RIN3: variants seen among roughly 807,000 people sequenced by gnomAD.
The protein encoded by RIN3 is Ras and Rab interactor 3.
RIN3 carries 54 observed loss-of-function variants against 76.3 expected under a neutral mutation model. The observed-to-expected ratio is 0.71, with a 90% CI of 0.57 to 0.89. RIN3 has a LOEUF of 0.89. Ranked by LOEUF, RIN3 falls within the 40% of genes least tolerant of loss-of-function variation. The pLI, the probability that RIN3 is intolerant of heterozygous loss-of-function variation, is 0.00. For missense variants in RIN3, 1,256 were observed against 1,322.1 expected, an observed-to-expected ratio of 0.95 and a Z score of 0.78; for synonymous variants, 576 against 564.0, an observed-to-expected ratio of 1.02 and a Z score of -0.30.
chr14:92,641,328 G>A lies in RIN3; in HGVS notation c.531G>A (p.Leu177=). Residue 177 remains leucine (L), a splice_region_variant and synonymous_variant, in exon 5 of 10, where the codon CTG becomes CTA. Transcript: ENST00000216487. ...TTGAGACCATCGCCAACCTGGGTCT[G>A]GGTGAGTCTTCTCCGAGGGGTTAGG... ...TDLETIANLG[L]GFWDSSLNPP... is the part of the protein sequence containing the mutation. The A allele has an allele frequency of 6.2e-7, 1 of 1,612,618 alleles. No homozygotes were observed. The highest frequency in any genetic ancestry group is 8.5e-7 in the Non-Finnish European group (1 of 1,178,610).
chr14:92,611,029 A>C (rs1413930907), intron 3 of RIN3, among the ~76,000 whole-genome samples: 1 of 151,344 alleles, frequency 6.6e-6, no homozygotes, highest in African/African-American at 2.4e-5. Flanking sequence ...ACTGCAAATT[A>C]CACAAACTAG....
In RIN3 at chr14:92,687,923, C is replaced by T; in HGVS notation, c.2632-3C>T. The T allele has an allele frequency of 6.5e-7, 1 of 1,540,342 alleles. No homozygotes were observed. The highest frequency in any genetic ancestry group is 1.4e-5 in the African/African-American group (1 of 71,970). On this transcript the variant is annotated splice_region_variant and splice_polypyrimidine_tract_variant and intron_variant, in intron 9 of 9. Transcript: ENST00000216487. The stretch of plus-strand genomic sequence containing the variant: ...TGACCACAGGCCCCTCGCGTCTCCG[C>T]AGGACTTCATCTGCGTGTCGTACCT...
chr14:92,604,826 G>A (rs1200758939), intron 3 of RIN3, among the ~76,000 whole-genome samples: 1 of 150,404 alleles, frequency 6.6e-6, no homozygotes, highest in African/African-American at 2.5e-5. Context: ...AGAATTACAG[G>A]TAGGTCCCAG....
chr14:92,659,019 AAC>A (rs1239399327), intron 6 of RIN3, 140 bp from the exon 7 acceptor site: 1 of 771,510 alleles, frequency 1.3e-6, no homozygotes, highest in Non-Finnish European at 2.2e-6. Context: ...CATGTGTCAG[AAC>A]CACAGGGTAT....
chr14:92,657,128 G>T (rs1887699068), intron 6 of RIN3, among the ~76,000 whole-genome samples: 1 of 152,218 alleles, frequency 6.6e-6, no homozygotes, highest in Non-Finnish European at 1.5e-5. Flanking sequence ...GGAGGCCGAG[G>T]AGGGCAGATC....
intron 4 of RIN3, among the ~76,000 whole-genome samples, chr14:92,634,486 TA>T (rs371440226): frequency 2.2e-4 from 34 of 152,326 alleles, no homozygotes; most frequent in African/African-American, 7.7e-4. Flanking sequence ...TTAATCTTAA[TA>T]TTTTTTTAAT....
chr14:92,609,748 T>C (rs948404077), intron 3 of RIN3, among the ~76,000 whole-genome samples: 1 of 152,070 alleles, frequency 6.6e-6, no homozygotes. Flanking sequence ...CCAATGGGCT[T>C]TAGAGAAAAA....
chr14:92,603,353 C>T (rs1885412524), intron 3 of RIN3, among the ~76,000 whole-genome samples: 1 of 152,208 alleles, frequency 6.6e-6, no homozygotes, highest in South Asian at 2.1e-4. Context: ...GCCCTCCCCA[C>T]CCTTCAGCCC....
At chr14:92,610,009 C>T (rs1482191384) in intron 3 of RIN3, among the ~76,000 whole-genome samples, 1 of 151,838 alleles carries the variant, frequency 6.6e-6, no homozygotes, top group East Asian at 1.9e-4. Flanking sequence ...TCAATATCTT[C>T]CAAGATCAAG....
At chr14:92,651,512 A>ACCCC in intron 5 of RIN3, 70 bp from the exon 6 acceptor site, 1 of 741,960 alleles carries the variant, frequency 1.3e-6, no homozygotes, top group African/African-American at 1.8e-5. Flanking sequence ...CCGCCCACAG[A>ACCCC]CCCCGCCCAG....
chr14:92,527,120 A>G (rs150640003), intron 1 of RIN3, among the ~76,000 whole-genome samples: 9,404 of 140,020 alleles, frequency 0.067, 922 homozygotes, highest in African/African-American at 0.24. Context: ...GCACGATCTC[A>G]GCTCACTGCA....
At chr14:92,571,174 C>T (rs1898053351) in intron 2 of RIN3, among the ~76,000 whole-genome samples, 4 of 152,184 alleles carry the variant, frequency 2.6e-5, no homozygotes, top group Admixed American at 2.6e-4. Flanking sequence ...CATTACTTTC[C>T]TTTTACTGTC....
chr14:92,624,523 T>C (rs1886285524), intron 4 of RIN3, among the ~76,000 whole-genome samples: 1 of 152,096 alleles, frequency 6.6e-6, no homozygotes, highest in African/African-American at 2.4e-5. Flanking sequence ...AATCTTGACG[T>C]TGAGTGGTCC....
chr14:92,583,409 A>T lies in RIN3; in HGVS notation c.367+5932A>T, dbSNP rs534876851. Among the ~76,000 whole-genome samples the T allele has an allele frequency of 3.3e-5, 5 of 152,376 alleles. No individual in the cohort carries two copies. The South Asian group carries it at 1.0e-3, about 32-fold the overall frequency. ...CTCTCTGAAGCAGTCAGCTTGGGCT[A>T]GTCTTGCTGTGGTAACAAACAACCC... On this transcript the variant is annotated intron_variant, in intron 3 of 9. Transcript: ENST00000216487.
chr14:92,577,551 CCA>C, intron 3 of RIN3, 74 bp downstream of exon 3: 1 of 871,516 alleles, frequency 1.1e-6, no homozygotes. Context: ...CACCTTCTAA[CCA>C]CAGACTCCCC....
At position 92,652,517 on chromosome 14, in the gene RIN3, T is replaced by G; in HGVS notation, c.1468T>G (p.Leu490Val). Reference sequence around the variant, plus strand: ...TGAGCTCTGCACACAGGCGATGGCCTTGGAGACACCCACGCCGGGTCCACC... The same window carrying G: ...TGAGCTCTGCACACAGGCGATGGCCGTGGAGACACCCACGCCGGGTCCACC... The part of the protein sequence containing the change: ...NAELCTQAMA[L>V]ETPTPGPPRE... The change falls in exon 6 of 10, where the codon TTG becomes GTG. Residue 490 changes from leucine to valine, a missense_variant. Physicochemically the swap from Leu to Val is conservative, Grantham distance 32. This residue lies in a region of RIN3 where 428 missense variants were observed against 521.2 expected (regional missense o/e 0.82). Coordinates refer to ENST00000216487, the MANE Select transcript of RIN3 (RefSeq NM_024832.5). The surrounding 1 kb of genome is among the most constrained non-coding windows in gnomAD (Gnocchi z 6.4). 1 of 1,613,830 alleles carries G rather than the reference T, an allele frequency of 6.2e-7. No homozygotes were observed. The highest frequency in any genetic ancestry group is 8.5e-7 in the Non-Finnish European group (1 of 1,180,006).
At chr14:92,642,004 A>G (rs1887032624) in intron 5 of RIN3, among the ~76,000 whole-genome samples, 2 of 152,236 alleles carry the variant, frequency 1.3e-5, no homozygotes, top group Admixed American at 1.3e-4. Flanking sequence ...GGCCCTCAGG[A>G]AGCCCAAGCA....
intron 1 of RIN3, among the ~76,000 whole-genome samples, chr14:92,532,758 T>G (rs1462102410): frequency 6.6e-6 from 1 of 152,112 alleles, no homozygotes; most frequent in Non-Finnish European, 1.5e-5. Flanking sequence ...GGAAGGGTGG[T>G]CTCCTCAGAG....
chr14:92,561,816 G>C (rs1897784768), intron 2 of RIN3, among the ~76,000 whole-genome samples: 1 of 152,094 alleles, frequency 6.6e-6, no homozygotes, highest in African/African-American at 2.4e-5. Context: ...CTGAGTAGCT[G>C]GGATTACAGG....
Sources: allele counts gnomAD v4.1 joint callset (sites outside exome capture counted in the v4.1 genomes callset), GRCh38; gene constraint gnomAD v4.1.1; regional missense constraint gnomAD v4.1.1; non-coding constraint Gnocchi (gnomAD v3.1); transcripts MANE v1.5; gene names NCBI Gene and HGNC (gene_info 2026-07-23, HGNC 2026-07-21).